Variants in NPY2R observed in about 807,000 individuals in gnomAD.
The protein encoded by NPY2R is neuropeptide Y receptor Y2, also known as neuropeptide Y receptor type 2.
Under a neutral mutation model 22.3 loss-of-function variants are expected in NPY2R, and 17 were observed. That is an observed-to-expected ratio of 0.76 (90% CI 0.52 to 1.14). The LOEUF (loss-of-function observed/expected upper bound fraction) is 1.14, where lower values mean the gene tolerates loss of function less well. Among genes scored for constraint, NPY2R ranks in the 50% most tolerant of loss-of-function variants. The probability of loss-of-function intolerance (pLI) is 0.00; values close to 1 mark genes in which losing one functional copy is unlikely to be tolerated. For synonymous variants in NPY2R, 209 were observed against 183.4 expected, an observed-to-expected ratio of 1.14 and a Z score of -1.13; for missense variants, 424 against 467.9, an observed-to-expected ratio of 0.91 and a Z score of 0.87.
At position 155,213,055 on chromosome 4, in the gene NPY2R, C is replaced by A. The variant is rs116232220; in HGVS notation, c.-48-837C>A. Among the ~76,000 whole-genome samples, 397 of 152,194 alleles carry A rather than the reference C, an allele frequency of 2.6e-3. 2 individuals carry two copies. Among genetic ancestry groups the A allele is most frequent in the Middle Eastern group, 0.01 (3 of 294 alleles). On this transcript the variant is annotated intron_variant, in intron 1 of 1. Coordinates refer to ENST00000329476, the MANE Select transcript of NPY2R (RefSeq NM_000910.4). ...TGGAAAATCAAATACAATAGGTTCT[C>A]ATTTGTAAGTAGGAGCTAAGCTGTG...
chr4:155,190,390 G>A, the NPY2R span, among the ~76,000 whole-genome samples: 1 of 151,894 alleles, frequency 6.6e-6, no homozygotes, highest in Non-Finnish European at 1.5e-5. Flanking sequence ...TTTGTAATCA[G>A]AGCATAGATT....
the NPY2R span, among the ~76,000 whole-genome samples, chr4:155,189,788 C>T: frequency 6.6e-6 from 1 of 151,810 alleles, no homozygotes; most frequent in South Asian, 2.1e-4. Context: ...TTTTATAAAT[C>T]AAATAATATA....
the NPY2R span, among the ~76,000 whole-genome samples, chr4:155,179,373 G>C: frequency 6.6e-6 from 1 of 152,156 alleles, no homozygotes; most frequent in East Asian, 1.9e-4. Context: ...TTCCTTTTAA[G>C]TGGTGTTGAA....
intron 1 of NPY2R, among the ~76,000 whole-genome samples, chr4:155,210,330 G>A (rs993699028): frequency 1.3e-5 from 2 of 152,192 alleles, no homozygotes; most frequent in African/African-American, 2.4e-5. Flanking sequence ...TTCCTACAGA[G>A]AAGTTGTAAA....
chr4:155,195,199 A>G, the NPY2R span, among the ~76,000 whole-genome samples: 7 of 151,966 alleles, frequency 4.6e-5, no homozygotes, highest in Non-Finnish European at 1.5e-5. Context: ...GAAGAACATA[A>G]CATGTCAACC....
chr4:155,184,845 G>C, the NPY2R span, among the ~76,000 whole-genome samples: 1 of 151,488 alleles, frequency 6.6e-6, no homozygotes, highest in South Asian at 2.1e-4. Flanking sequence ...GAAAAGTAAG[G>C]GAAAGCAGTC....
At chr4:155,176,567 C>A in the NPY2R span, among the ~76,000 whole-genome samples, 4 of 152,258 alleles carry the variant, frequency 2.6e-5, no homozygotes, top group South Asian at 8.3e-4. Flanking sequence ...ACCTGATAGC[C>A]GGTGCAGCCA....
chr4:155,180,455 A>G, the NPY2R span, among the ~76,000 whole-genome samples: 54 of 152,190 alleles, frequency 3.5e-4, no homozygotes, highest in Non-Finnish European at 6.3e-4. Context: ...ATGATTGCTC[A>G]GTGGAATAGA....
rs912669383 is a variant in NPY2R, at chr4:155,215,766, G to A, written c.*681G>A. The stretch of plus-strand genomic sequence containing the variant: ...GTTTGGTGAAAGTTTCTTCAACTCT[G>A]AATCAAAAGCTGAAATTCTCAGAAT... On this transcript the variant is annotated 3_prime_UTR_variant, in exon 2 of 2. Coordinates refer to ENST00000329476, the MANE Select transcript of NPY2R (RefSeq NM_000910.4). 6.0e-6 allele frequency: 1 copy of A among 167,100 alleles called. No homozygotes were observed. Among genetic ancestry groups the A allele is most frequent in the Non-Finnish European group, 1.5e-5 (1 of 68,224 alleles). 10.4% of individuals were successfully genotyped at this position (167,100 alleles called of 1,614,324 possible).
chr4:155,210,781 G>A (rs1729387705), intron 1 of NPY2R, among the ~76,000 whole-genome samples: 1 of 152,148 alleles, frequency 6.6e-6, no homozygotes, highest in Non-Finnish European at 1.5e-5. Context: ...TGTATAGTAA[G>A]GCTCCTGTGG....
Position 155,216,822 on chromosome 4 carries a change from T to G in NPY2R, c.*1737T>G, listed in dbSNP as rs1729526613. 6.0e-6 allele frequency: 1 copy of G among 167,080 alleles called. No homozygotes were observed. Among genetic ancestry groups the G allele is most frequent in the African/African-American group, 2.4e-5 (1 of 41,474 alleles). The allele number at this position is 167,080 out of a possible 1,614,324, so 10.3% of individuals were successfully genotyped here. ...GCAAATTGTTCAAAAATAACCTTTT[T>G]GTCTTTTAAGTAGCAGTCACTTTGC... On this transcript the variant is annotated 3_prime_UTR_variant, in exon 2 of 2. Transcript: ENST00000329476.
upstream of NPY2R, among the ~76,000 whole-genome samples, chr4:155,205,982 A>T (rs1480584916): frequency 1.3e-5 from 2 of 152,188 alleles, no homozygotes; most frequent in Non-Finnish European, 2.9e-5. Context: ...CGTATCTGAC[A>T]ATACTGAATC....
chr4:155,199,003 C>A, the NPY2R span, among the ~76,000 whole-genome samples: 2 of 151,904 alleles, frequency 1.3e-5, no homozygotes, highest in Admixed American at 1.3e-4. Context: ...TTTAAGTAAA[C>A]CAATACAAGA....
intron 1 of NPY2R, among the ~76,000 whole-genome samples, chr4:155,209,596 C>T (rs1578898276): frequency 6.6e-6 from 1 of 152,180 alleles, no homozygotes; most frequent in East Asian, 1.9e-4. Context: ...GAAAGGCTTC[C>T]CACACCCTTT....
At chr4:155,190,318 G>T in the NPY2R span, among the ~76,000 whole-genome samples, 3 of 152,012 alleles carry the variant, frequency 2.0e-5, no homozygotes, top group East Asian at 5.8e-4. Context: ...CCTTGGAAAG[G>T]TCACAAATAT....
At chr4:155,197,413 G>A in the NPY2R span, among the ~76,000 whole-genome samples, 1 of 151,606 alleles carries the variant, frequency 6.6e-6, no homozygotes, top group Non-Finnish European at 1.5e-5. Context: ...GTGCCTGTAT[G>A]TCCCCTCTCC....
In NPY2R at chr4:155,214,197, C is replaced by T; in HGVS notation, c.258C>T (p.Asn86=). 1 of 1,614,156 alleles carries T rather than the reference C, an allele frequency of 6.2e-7. No homozygotes were observed. Among genetic ancestry groups the T allele is most frequent in the Non-Finnish European group, 8.5e-7 (1 of 1,180,006 alleles). ...IKFKSMRTVT[N]FFIANLAVAD... is the part of the protein sequence containing the mutation. ...TCAAGAGCATGCGCACAGTAACCAA[C>T]TTTTTCATTGCCAATCTGGCTGTGG... is the stretch of plus-strand genomic sequence containing the variant. The change falls in exon 2 of 2, where the codon AAC becomes AAT. Residue 86 remains asparagine (N), a synonymous_variant. Transcript: ENST00000329476.
the NPY2R span, among the ~76,000 whole-genome samples, chr4:155,202,557 AAG>A: frequency 6.6e-6 from 1 of 152,130 alleles, no homozygotes; most frequent in Non-Finnish European, 1.5e-5. Context: ...TGTATAATAA[AAG>A]AGTAATGAGT....
chr4:155,214,269 TACC>T lies in NPY2R; in HGVS notation c.331_333del (p.Thr111del). On this transcript the variant is annotated inframe_deletion, in exon 2 of 2. Coordinates refer to ENST00000329476, the MANE Select transcript of NPY2R (RefSeq NM_000910.4). The stretch of plus-strand genomic sequence containing the variant: ...TGTGTCTACCGTTCACTCTTACCTA[TACC>T]TTAATGGGGGAGTGGAAAATGGGTC... 1 of 1,614,078 alleles carries T rather than the reference TACC, an allele frequency of 6.2e-7. No individual in the cohort carries two copies. The highest frequency in any genetic ancestry group is 1.1e-5 in the South Asian group (1 of 91,078).
Sources: allele counts gnomAD v4.1 joint callset (sites outside exome capture counted in the v4.1 genomes callset), GRCh38; gene constraint gnomAD v4.1.1; transcripts MANE v1.5; gene names NCBI Gene and HGNC (gene_info 2026-07-23, HGNC 2026-07-21).